Variants in TEX9 observed in about 807,000 individuals in gnomAD.
The protein encoded by TEX9 is testis expressed 9.
Under a neutral mutation model 59.6 loss-of-function variants are expected in TEX9, and 74 were observed. The observed-to-expected ratio is 1.24, with a 90% CI of 1.03 to 1.51. TEX9 has a LOEUF of 1.51. TEX9 is among the 40% of genes most tolerant of loss of function. TEX9 has a pLI of 0.00. For synonymous variants in TEX9, 186 were observed against 152.2 expected (o/e 1.22, Z -1.64); for missense variants, 522 against 447.8 (o/e 1.17, Z -1.49).
intron 1 of TEX9, among the ~76,000 whole-genome samples, chr15:56,322,098 C>T (rs1407469491): frequency 1.3e-5 from 2 of 151,926 alleles, no homozygotes; most frequent in African/African-American, 2.4e-5. Flanking sequence ...TAAAGGGAAC[C>T]ATGTCCACCT....
chr15:56,442,824 A>G (rs2050841598), intron 12 of TEX9, among the ~76,000 whole-genome samples: 1 of 152,118 alleles, frequency 6.6e-6, no homozygotes, highest in South Asian at 2.1e-4. Context: ...ATGTTACACC[A>G]AATCCCCATG....
chr15:56,373,387 A>AT, intron 2 of TEX9, 54 bp from the exon 3 acceptor site: 1 of 1,529,800 alleles, frequency 6.5e-7, no homozygotes, highest in East Asian at 2.4e-5. Flanking sequence ...GCTGAAGTTT[A>AT]TTTTTTATTT....
At chr15:56,290,527 C>A (rs1466529913) in intron 1 of TEX9, among the ~76,000 whole-genome samples, 1 of 152,162 alleles carries the variant, frequency 6.6e-6, no homozygotes, top group African/African-American at 2.4e-5. Flanking sequence ...TGGCTCACTG[C>A]AACCTTGACC....
At chr15:56,344,542 A>T (rs2141844298) in intron 1 of TEX9, among the ~76,000 whole-genome samples, 2 of 152,228 alleles carry the variant, frequency 1.3e-5, no homozygotes, top group East Asian at 3.9e-4. Flanking sequence ...CTTAATGGGC[A>T]CGGGGTTTCT....
chr15:56,453,488 G>T, the TEX9 span, among the ~76,000 whole-genome samples: 2 of 152,084 alleles, frequency 1.3e-5, no homozygotes, highest in Non-Finnish European at 2.9e-5. Flanking sequence ...GTATAAGCTA[G>T]GTAATGGTAA....
intron 1 of TEX9, among the ~76,000 whole-genome samples, chr15:56,306,280 G>GAAAAAAAAAAAA (rs2045484308): frequency 8.3e-5 from 6 of 72,018 alleles, no homozygotes; most frequent in Non-Finnish European, 9.7e-5. Context: ...AAAAAAAAAG[G>GAAAAAAAAAAAA]AAATCAGTGT....
intron 1 of TEX9, among the ~76,000 whole-genome samples, chr15:56,277,680 G>A (rs1289721530): frequency 6.6e-6 from 1 of 152,168 alleles, no homozygotes; most frequent in African/African-American, 2.4e-5. Flanking sequence ...GAAATTCAAA[G>A]TAGTTGTTTT....
At chr15:56,294,335 G>A (rs1045483419) in intron 1 of TEX9, among the ~76,000 whole-genome samples, 1 of 152,116 alleles carries the variant, frequency 6.6e-6, no homozygotes, top group African/African-American at 2.4e-5. Context: ...CTGCATCAGG[G>A]AGAAACACTC....
chr15:56,458,286 TA>T, the TEX9 span, among the ~76,000 whole-genome samples: 242 of 152,012 alleles, frequency 1.6e-3, 2 homozygotes, highest in African/African-American at 5.4e-3. Context: ...TCCAGAGCCT[TA>T]AAAAAAATAG....
intron 3 of TEX9, among the ~76,000 whole-genome samples, chr15:56,380,170 G>A (rs1215571608): frequency 6.6e-6 from 1 of 151,816 alleles, no homozygotes; most frequent in Non-Finnish European, 1.5e-5. Context: ...TTTATTTTTT[G>A]TGTGGTCATT....
At chr15:56,414,000 A>G (rs1403058189) in intron 10 of TEX9, among the ~76,000 whole-genome samples, 1 of 151,808 alleles carries the variant, frequency 6.6e-6, no homozygotes, top group African/African-American at 2.4e-5. Context: ...TATTACATGA[A>G]CAAGTTAGGA....
At chr15:56,385,980 C>T (rs889202003) in intron 4 of TEX9, among the ~76,000 whole-genome samples, 31 of 151,962 alleles carry the variant, frequency 2.0e-4, no homozygotes, top group African/African-American at 6.5e-4. Context: ...CATATATCCA[C>T]GAAAAAACCT....
intron 12 of TEX9, among the ~76,000 whole-genome samples, chr15:56,434,585 G>T (rs763744295): frequency 6.6e-6 from 1 of 152,038 alleles, no homozygotes; most frequent in Non-Finnish European, 1.5e-5. Flanking sequence ...CTTACATTTG[G>T]ATTGTTTTCT....
At chr15:56,342,955 T>C (rs998903976) in intron 1 of TEX9, among the ~76,000 whole-genome samples, 10 of 152,156 alleles carry the variant, frequency 6.6e-5, no homozygotes, top group African/African-American at 2.4e-4. Flanking sequence ...TTTTAATCTT[T>C]TCCTAAGGGC....
intron 1 of TEX9, among the ~76,000 whole-genome samples, chr15:56,357,799 A>G (rs575836001): frequency 6.6e-6 from 1 of 152,074 alleles, no homozygotes; most frequent in Admixed American, 6.6e-5. Context: ...TTGCTTGCTC[A>G]TTGTTGTGAT....
intron 1 of TEX9, among the ~76,000 whole-genome samples, chr15:56,278,070 C>T (rs1389543178): frequency 6.6e-6 from 1 of 151,652 alleles, no homozygotes; most frequent in East Asian, 1.9e-4. Context: ...TTTATAGATT[C>T]TGGTACTGCA....
chr15:56,292,931 A>G (rs2045130567), intron 1 of TEX9, among the ~76,000 whole-genome samples: 1 of 152,150 alleles, frequency 6.6e-6, no homozygotes, highest in South Asian at 2.1e-4. Context: ...TCCCTATGCT[A>G]TCCTGCTTCC....
exon 6 of TEX9, chr15:56,389,320 A>T (rs1728331201): frequency 1.2e-6 from 2 of 1,610,066 alleles, no homozygotes; most frequent in Non-Finnish European, 1.7e-6. Flanking sequence ...TCATGTAGCC[A>T]AAGACCAAAA....
chr15:56,355,597 C>T (rs2141893194), intron 1 of TEX9, among the ~76,000 whole-genome samples: 1 of 152,168 alleles, frequency 6.6e-6, no homozygotes, highest in African/African-American at 2.4e-5. Context: ...GCTAGTCATT[C>T]TATTGTCTTT....
Sources: gnomAD v4.1 joint callset for allele counts (sites outside exome capture counted in the v4.1 genomes callset) on GRCh38, gnomAD v4.1.1 for gene constraint, MANE v1.5 for transcripts, NCBI Gene and HGNC (gene_info 2026-07-23, HGNC 2026-07-21) for gene names.